Variants in ARL15 observed in about 807,000 individuals in gnomAD.
ARL15 encodes the protein ADP-ribosylation factor-like protein 15.
In ARL15, 19 loss-of-function variants were observed where a neutral mutation model predicts 25.2. That is an observed-to-expected ratio of 0.75 (90% confidence interval 0.53 to 1.10). ARL15 has a LOEUF of 1.10. Among genes scored for constraint, ARL15 ranks in the 50% least tolerant of loss-of-function variants. ARL15 has a pLI of 0.00. For synonymous variants in ARL15, 94 were observed against 86.8 expected (o/e 1.08, Z -0.46); for missense variants, 220 against 246.0 (o/e 0.89, Z 0.71).
rs377316110 is a variant in ARL15 at position 54,113,274 on chromosome 5, T to C, written c.390A>G (p.Pro130=). The stretch of plus-strand genomic sequence containing the variant: ...TTAAAAAGGGTAAAGTGCATAACTG[T>C]GGATGCTGAAGAGCTGAGTGCAGCT... ...RNELHSALQH[P]QLCTLPFLIL... Residue 130 remains proline (P), a synonymous_variant, in exon 4 of 5, where the codon CCA becomes CCG. Coordinates refer to ENST00000504924, the MANE Select transcript of ARL15 (RefSeq NM_019087.3). The C allele has an allele frequency of 3.7e-6, 6 of 1,613,962 alleles. No individual in the cohort carries two copies. The highest frequency in any genetic ancestry group is 4.2e-6 in the Non-Finnish European group (5 of 1,179,860).
At chr5:54,012,887 C>T (rs1213318396) in intron 4 of ARL15, among the ~76,000 whole-genome samples, 3 of 148,672 alleles carry the variant, frequency 2.0e-5, no homozygotes, top group South Asian at 2.1e-4. Flanking sequence ...AGTGCAATCT[C>T]GGCTCACTCA....
intron 4 of ARL15, 34 bp downstream of exon 4, chr5:54,113,168 G>A (rs758632862): frequency 6.2e-7 from 1 of 1,602,190 alleles, no homozygotes; most frequent in Non-Finnish European, 8.5e-7. Flanking sequence ...TACAAGCAAG[G>A]AAGACAAAGA....
At chr5:54,080,761 C>G (rs948952004) in intron 4 of ARL15, among the ~76,000 whole-genome samples, 1 of 151,636 alleles carries the variant, frequency 6.6e-6, no homozygotes, top group African/African-American at 2.4e-5. Flanking sequence ...GAAACTCCCC[C>G]TGTCCTTTAA....
At chr5:54,042,964 C>T (rs370258116) in intron 4 of ARL15, among the ~76,000 whole-genome samples, 2 of 152,166 alleles carry the variant, frequency 1.3e-5, no homozygotes, top group South Asian at 4.1e-4. Context: ...GTTTTTAAAA[C>T]GGCTTAGCTT....
intron 4 of ARL15, among the ~76,000 whole-genome samples, chr5:54,097,419 TTCTC>T (rs2308180): frequency 0.85 from 129,060 of 151,826 alleles, 54,967 homozygotes; most frequent in East Asian, 0.98. Flanking sequence ...AAGTTTTAGA[TTCTC>T]TCTCTATCTT....
intron 4 of ARL15, among the ~76,000 whole-genome samples, chr5:53,910,193 C>T (rs967396253): frequency 2.6e-5 from 4 of 152,092 alleles, no homozygotes; most frequent in Non-Finnish European, 5.9e-5. Context: ...TCTTCAGGCC[C>T]GGACAGGAAA....
At chr5:54,041,533 C>T (rs536829681) in intron 4 of ARL15, among the ~76,000 whole-genome samples, 109 of 152,256 alleles carry the variant, frequency 7.2e-4, no homozygotes, top group Non-Finnish European at 1.3e-3. Context: ...GCTCAAGGCT[C>T]CAGGGTCTGA....
At chr5:54,122,111 A>G (rs973494696) in intron 3 of ARL15, among the ~76,000 whole-genome samples, 2 of 152,208 alleles carry the variant, frequency 1.3e-5, no homozygotes, top group African/African-American at 2.4e-5. Flanking sequence ...AAAATAAACC[A>G]AAGTTTTTAC....
intron 4 of ARL15, among the ~76,000 whole-genome samples, chr5:53,914,604 C>A (rs1745573970): frequency 6.6e-6 from 1 of 152,144 alleles, no homozygotes; most frequent in Non-Finnish European, 1.5e-5. Flanking sequence ...GAAGACAGAC[C>A]TCAAGGCTCA....
At chr5:54,168,528 C>A (rs112796410) in intron 2 of ARL15, among the ~76,000 whole-genome samples, 6 of 152,130 alleles carry the variant, frequency 3.9e-5, no homozygotes, top group African/African-American at 1.4e-4. Flanking sequence ...AACATCCCCA[C>A]AAGTATTGTC....
intron 4 of ARL15, among the ~76,000 whole-genome samples, chr5:53,962,372 T>C (rs546269415): frequency 9.9e-5 from 15 of 152,282 alleles, no homozygotes; most frequent in South Asian, 4.1e-4. Context: ...TCTGGAACTT[T>C]ATGTTACCAA....
At chr5:53,958,989 A>T (rs1051327246) in intron 4 of ARL15, among the ~76,000 whole-genome samples, 5 of 152,192 alleles carry the variant, frequency 3.3e-5, no homozygotes, top group Non-Finnish European at 7.3e-5. Flanking sequence ...ACTTTCAATA[A>T]TAGAAAGAAT....
chr5:54,078,363 A>G (rs1005644324), intron 4 of ARL15, among the ~76,000 whole-genome samples: 1 of 152,246 alleles, frequency 6.6e-6, no homozygotes, highest in Non-Finnish European at 1.5e-5. Flanking sequence ...CTCTCTGTAT[A>G]TAATTCATTG....
chr5:54,144,928 T>A (rs1753863868), intron 3 of ARL15, among the ~76,000 whole-genome samples: 1 of 152,200 alleles, frequency 6.6e-6, no homozygotes, highest in Non-Finnish European at 1.5e-5. Flanking sequence ...AATTAATAAC[T>A]CTGATGAGCC....
chr5:53,954,186 C>T (rs1747067927), intron 4 of ARL15, among the ~76,000 whole-genome samples: 1 of 151,738 alleles, frequency 6.6e-6, no homozygotes, highest in Non-Finnish European at 1.5e-5. Context: ...GGAAATCAGT[C>T]CTGGCATCCT....
intron 4 of ARL15, among the ~76,000 whole-genome samples, chr5:54,064,351 C>T (rs1218038649): frequency 1.3e-5 from 2 of 152,130 alleles, no homozygotes; most frequent in Non-Finnish European, 2.9e-5. Flanking sequence ...TGTAAGTTCC[C>T]CCAGCCTTAA....
At chr5:54,056,798 C>G (rs968388485) in intron 4 of ARL15, among the ~76,000 whole-genome samples, 6 of 152,090 alleles carry the variant, frequency 3.9e-5, no homozygotes, top group Non-Finnish European at 8.8e-5. Flanking sequence ...CTAGCTCTGT[C>G]TTTTACTAAC....
At chr5:54,024,395 T>C (rs1007777677) in intron 4 of ARL15, among the ~76,000 whole-genome samples, 10 of 152,198 alleles carry the variant, frequency 6.6e-5, no homozygotes, top group African/African-American at 2.4e-4. Context: ...GAAAACCAAA[T>C]TCGTGAGTAA....
In ARL15 at chr5:54,005,788, G is replaced by A. The variant is rs182019600; in HGVS notation, c.462+107414C>T. ...GAGGCAGGAGAATGGTGTGAACCCA[G>A]GAGGCGGAGCGTGCAGTGAGCCGAG... is the stretch of plus-strand genomic sequence containing the variant. On this transcript the variant is annotated intron_variant, in intron 4 of 4. Coordinates refer to ENST00000504924, the MANE Select transcript of ARL15 (RefSeq NM_019087.3). 2.3e-3 allele frequency among the ~76,000 whole-genome samples: 347 copies of A among 151,924 alleles called. 1 individual carries two copies. Among genetic ancestry groups the A allele is most frequent in the African/African-American group, 8.1e-3 (336 of 41,414 alleles).
Sources: gnomAD v4.1 joint callset for allele counts (sites outside exome capture counted in the v4.1 genomes callset) on GRCh38, gnomAD v4.1.1 for gene constraint, MANE v1.5 for transcripts, NCBI Gene and HGNC (gene_info 2026-07-23, HGNC 2026-07-21) for gene names.